The following SMARCAD1 variants were observed in gnomAD, a reference collection of about 807,000 sequenced individuals.
SMARCAD1 encodes SNF2 related chromatin remodeling ATPase with DExD box 1, also known as SWI/SNF-related matrix-associated actin-dependent regulator of chromatin subfamily A containing DEAD/H box 1.
Under a neutral mutation model 127.1 loss-of-function variants are expected in SMARCAD1, and 25 were observed. The ratio of observed to expected loss-of-function variants is 0.20; its 90% CI spans 0.14 to 0.27. The LOEUF (loss-of-function observed/expected upper bound fraction) is 0.27. SMARCAD1 is among the 10% of genes least tolerant of loss of function. The probability of loss-of-function intolerance (pLI) is 1.00; values close to 1 mark genes in which losing one functional copy is unlikely to be tolerated. For synonymous variants in SMARCAD1, 400 were observed against 396.9 expected, an observed-to-expected ratio of 1.01 and a Z score of -0.09; for missense variants, 807 against 1,206.0, an observed-to-expected ratio of 0.67 and a Z score of 4.90.
chr4:94,254,949 A>C (rs1279301590), intron 9 of SMARCAD1, among the ~76,000 whole-genome samples: 2 of 152,036 alleles, frequency 1.3e-5, no homozygotes, highest in Admixed American at 1.3e-4. Flanking sequence ...TTAATATCTT[A>C]ATAAAATTAT....
intron 6 of SMARCAD1, among the ~76,000 whole-genome samples, chr4:94,243,405 A>G (rs554545010): frequency 2.8e-4 from 42 of 152,210 alleles, no homozygotes; most frequent in Admixed American, 6.5e-4. Context: ...TTTCTACTTG[A>G]TGATGGGTTG....
At chr4:94,286,567 A>G (rs1267030556) in intron 23 of SMARCAD1, among the ~76,000 whole-genome samples, 1 of 152,048 alleles carries the variant, frequency 6.6e-6, no homozygotes, top group Non-Finnish European at 1.5e-5. Flanking sequence ...TTCTTTCAAA[A>G]GTTGTAGACA....
intron 6 of SMARCAD1, among the ~76,000 whole-genome samples, chr4:94,244,010 A>T (rs1189039686): frequency 6.6e-6 from 1 of 152,240 alleles, no homozygotes; most frequent in Non-Finnish European, 1.5e-5. Context: ...AATCCACATT[A>T]TGGACCATCA....
At chr4:94,285,748 G>A (rs1008189633) in intron 23 of SMARCAD1, among the ~76,000 whole-genome samples, 1 of 152,162 alleles carries the variant, frequency 6.6e-6, no homozygotes, top group Non-Finnish European at 1.5e-5. Flanking sequence ...GTGGAAGCTT[G>A]GGGAGGTGGG....
chr4:94,213,981 T>C (rs1742719387), intron 2 of SMARCAD1, among the ~76,000 whole-genome samples: 1 of 152,154 alleles, frequency 6.6e-6, no homozygotes, highest in Non-Finnish European at 1.5e-5. Flanking sequence ...GAAGGATGAC[T>C]AGAATAGTCA....
At chr4:94,221,979 T>C (rs537530743) in intron 2 of SMARCAD1, among the ~76,000 whole-genome samples, 1 of 152,188 alleles carries the variant, frequency 6.6e-6, no homozygotes, top group Admixed American at 6.5e-5. Context: ...CTAGGAGACA[T>C]ATGGGGGGTG....
intron 10 of SMARCAD1, among the ~76,000 whole-genome samples, chr4:94,269,007 CAAAAG>C (rs995176199): frequency 7.9e-5 from 12 of 151,754 alleles, no homozygotes; most frequent in African/African-American, 2.9e-4. Flanking sequence ...TAAAATTCAG[CAAAAG>C]AATTGTAAAG....
chr4:94,258,140 T>TC (rs1251065128), intron 9 of SMARCAD1, among the ~76,000 whole-genome samples: 1 of 151,952 alleles, frequency 6.6e-6, no homozygotes, highest in East Asian at 1.9e-4. Context: ...TGCCTAAATT[T>TC]CCCATCAGAT....
At chr4:94,248,802 G>A (rs1748846688) in intron 6 of SMARCAD1, among the ~76,000 whole-genome samples, 1 of 152,010 alleles carries the variant, frequency 6.6e-6, no homozygotes, top group South Asian at 2.1e-4. Context: ...GTGCAGAGGA[G>A]GTATCAGAAT....
chr4:94,221,154 CTG>C (rs994249322), intron 2 of SMARCAD1, among the ~76,000 whole-genome samples: 4 of 152,176 alleles, frequency 2.6e-5, no homozygotes, highest in African/African-American at 9.7e-5. Context: ...GTGTCCATGA[CTG>C]TGAGTTTGAC....
chr4:94,210,263 C>G (rs1255517830), intron 2 of SMARCAD1, among the ~76,000 whole-genome samples: 1 of 152,124 alleles, frequency 6.6e-6, no homozygotes. Context: ...AATAAGAAAA[C>G]TAAGTTTGTT....
At chr4:94,221,399 T>C (rs1307262045) in intron 2 of SMARCAD1, among the ~76,000 whole-genome samples, 1 of 152,178 alleles carries the variant, frequency 6.6e-6, no homozygotes, top group Admixed American at 6.5e-5. Context: ...ACATTGCAAA[T>C]AACTCTAAGA....
At chr4:94,217,225 T>C (rs973884460) in intron 2 of SMARCAD1, among the ~76,000 whole-genome samples, 3 of 152,232 alleles carry the variant, frequency 2.0e-5, no homozygotes, top group African/African-American at 4.8e-5. Context: ...AAGGGTGATA[T>C]CGTTTTCTCC....
In SMARCAD1 at chr4:94,291,116, A is replaced by G. The variant is rs1457975400; in HGVS notation, c.*1582A>G. On this transcript the variant is annotated 3_prime_UTR_variant, in exon 24 of 24. Coordinates refer to ENST00000354268, the MANE Select transcript of SMARCAD1 (RefSeq NM_020159.5). ...TAGGAATTTTACCTTTTAAAATCTC[A>G]TAATGGATATCTCATGTTTTCTGTA... is the stretch of plus-strand genomic sequence containing the variant. 4 of 450,660 alleles carry G rather than the reference A, an allele frequency of 8.9e-6. No individual in the cohort carries two copies. Among genetic ancestry groups the G allele is most frequent in the South Asian group, 3.2e-5 (2 of 63,118 alleles). 27.9% of individuals were successfully genotyped at this position (450,660 alleles called of 1,614,324 possible).
chr4:94,259,391 A>G (rs924432546), intron 9 of SMARCAD1, among the ~76,000 whole-genome samples: 1 of 152,140 alleles, frequency 6.6e-6, no homozygotes, highest in African/African-American at 2.4e-5. Context: ...TTTTCCTTTA[A>G]AAAACTGTCT....
At chr4:94,274,004 AGAGAAAATGAG>A (rs1752911571) in intron 12 of SMARCAD1, among the ~76,000 whole-genome samples, 1 of 152,240 alleles carries the variant, frequency 6.6e-6, no homozygotes, top group African/African-American at 2.4e-5. Flanking sequence ...AAAGTGACTA[AGAGAAAATGAG>A]TACTTTTAAA....
chr4:94,222,972 TAAATA>T (rs562453025), intron 2 of SMARCAD1, among the ~76,000 whole-genome samples: 127 of 151,320 alleles, frequency 8.4e-4, no homozygotes, highest in Non-Finnish European at 1.5e-3. Context: ...TCAAAAAAAA[TAAATA>T]AAATAAAAAT....
chr4:94,270,665 A>G (rs1279492865), intron 10 of SMARCAD1, 63 bp from the exon 11 acceptor site: 2 of 1,424,194 alleles, frequency 1.4e-6, no homozygotes, highest in Admixed American at 3.4e-5. Context: ...GTGCATTGTA[A>G]TAACTAATAG....
intron 1 of SMARCAD1, 110 bp from the exon 2 acceptor site, chr4:94,208,236 G>A (rs757343363): frequency 2.8e-5 from 22 of 784,174 alleles, no homozygotes; most frequent in Non-Finnish European, 4.3e-5. Flanking sequence ...ACAGTCCTGA[G>A]CCACTGGCAT....
Sources: allele counts gnomAD v4.1 joint callset (sites outside exome capture counted in the v4.1 genomes callset), GRCh38; gene constraint gnomAD v4.1.1; transcripts MANE v1.5; gene names NCBI Gene and HGNC (gene_info 2026-07-23, HGNC 2026-07-21).